Variants in TPST2 observed in about 807,000 individuals in gnomAD.
The protein encoded by TPST2 is protein-tyrosine sulfotransferase 2.
A neutral mutation model predicts 27.8 loss-of-function variants in TPST2; 16 were observed. That is an observed-to-expected ratio of 0.58 (90% CI 0.39 to 0.88). TPST2 has a LOEUF of 0.88. TPST2 is among the 40% of genes least tolerant of loss of function. The probability of loss-of-function intolerance (pLI) is 0.00; values close to 1 mark genes in which losing one functional copy is unlikely to be tolerated. For missense variants in TPST2, 464 were observed against 543.1 expected, an observed-to-expected ratio of 0.85 and a Z score of 1.45; for synonymous variants, 229 against 231.7, an observed-to-expected ratio of 0.99 and a Z score of 0.10.
intron 1 of TPST2, among the ~76,000 whole-genome samples, chr22:26,578,050 GTAT>G (rs1162045932): frequency 6.6e-6 from 1 of 152,096 alleles, no homozygotes; most frequent in Non-Finnish European, 1.5e-5. Context: ...ACATCAAAAT[GTAT>G]TATTATCTTT....
In TPST2 at chr22:26,532,668, T is replaced by G. The variant is rs1887750383; in HGVS notation, c.1092+27A>C. 8.1e-6 allele frequency: 13 copies of G among 1,612,258 alleles called. No homozygotes were observed. The Middle Eastern group carries it at 1.8e-3, about 225-fold the overall frequency. On this transcript the variant is annotated intron_variant, in intron 5 of 6. Transcript: ENST00000338754. ...GGTGGTATAGCTGAGAAAGACAGAA[T>G]TCGGAATTCCCCTTGGGGTTTCTAA...
At chr22:26,532,589 G>A in intron 5 of TPST2, 106 bp downstream of exon 5, 3 of 1,269,304 alleles carry the variant, frequency 2.4e-6, no homozygotes, top group South Asian at 2.8e-5. Context: ...TTTATAATGG[G>A]AAAACCATCA....
chr22:26,568,473 C>T (rs188952135), intron 1 of TPST2, among the ~76,000 whole-genome samples: 42 of 152,272 alleles, frequency 2.8e-4, no homozygotes, highest in African/African-American at 7.7e-4. Context: ...GTCGTAAAGA[C>T]CCCATTAATA....
chr22:26,528,548 G>A (rs1230577534), intron 5 of TPST2, among the ~76,000 whole-genome samples: 3 of 152,198 alleles, frequency 2.0e-5, no homozygotes, highest in Admixed American at 2.0e-4. Context: ...TGAGTGATCA[G>A]TATCTGTGCT....
intron 1 of TPST2, among the ~76,000 whole-genome samples, chr22:26,568,844 T>C (rs1927478382): frequency 6.6e-6 from 1 of 151,950 alleles, no homozygotes; most frequent in Non-Finnish European, 1.5e-5. Flanking sequence ...TGCTTTCACT[T>C]TATGAACTCA....
At chr22:26,556,486 GC>G (rs769334108) in intron 1 of TPST2, among the ~76,000 whole-genome samples, 18 of 152,300 alleles carry the variant, frequency 1.2e-4, no homozygotes, top group Non-Finnish European at 2.2e-4. Flanking sequence ...GTTGCAGTGA[GC>G]CGAGATCGCG....
At position 26,522,894 on chromosome 22, in the gene TPST2, T is replaced by C. The variant is rs5752339; in HGVS notation, c.*3381A>G. On this transcript the variant is annotated 3_prime_UTR_variant, in exon 7 of 7. Coordinates refer to ENST00000338754, the MANE Select transcript of TPST2 (RefSeq NM_003595.5). ...GAGTTTGAGACCAGCCTGGGCAACA[T>C]AGTGATTCCCCTCTTTACAAAAAAT... The C allele has an allele frequency of 0.19, 29,087 of 152,330 alleles. 2,927 individuals carry two copies. Among genetic ancestry groups the C allele is most frequent in the African/African-American group, 0.22 (9,073 of 41,488 alleles). 9.4% of individuals were successfully genotyped at this position (152,330 alleles called of 1,614,324 possible).
chr22:26,560,063 C>T (rs1038784181), intron 1 of TPST2, among the ~76,000 whole-genome samples: 3 of 152,124 alleles, frequency 2.0e-5, no homozygotes, highest in African/African-American at 7.2e-5. Context: ...TCCTTGAGCT[C>T]GGGAATGCAG....
At chr22:26,551,904 T>C (rs1211368383) in intron 1 of TPST2, among the ~76,000 whole-genome samples, 3 of 137,364 alleles carry the variant, frequency 2.2e-5, no homozygotes, top group Non-Finnish European at 4.7e-5. Flanking sequence ...TTTTTTTTTT[T>C]TTGAGACAGT....
In TPST2 at chr22:26,540,857, G is replaced by A. The variant is rs775980485; in HGVS notation, c.774C>T (p.Ile258=). 7 of 1,613,986 alleles carry A rather than the reference G, an allele frequency of 4.3e-6. No homozygotes were observed. The highest frequency in any genetic ancestry group is 2.2e-5 in the South Asian group (2 of 91,068). ...GGTGGAGGACAGCGTCGCTCCAGGC[G>A]ATGCCGAGGAAGTCGAGGATGAGCT... is the stretch of plus-strand genomic sequence containing the variant. ...SLKLILDFLG[I]AWSDAVLHHE... is the part of the protein sequence containing the mutation. Residue 258 remains isoleucine (I), a synonymous_variant, in exon 3 of 7, where the codon ATC becomes ATT. Coordinates refer to ENST00000338754, the MANE Select transcript of TPST2 (RefSeq NM_003595.5).
At chr22:26,575,733 C>T (rs1447596747) in intron 1 of TPST2, among the ~76,000 whole-genome samples, 5 of 152,178 alleles carry the variant, frequency 3.3e-5, no homozygotes, top group African/African-American at 7.2e-5. Context: ...CAGTGGCTCA[C>T]GCCTGTCATC....
At chr22:26,579,481 A>G (rs1301215331) in intron 1 of TPST2, among the ~76,000 whole-genome samples, 1 of 152,158 alleles carries the variant, frequency 6.6e-6, no homozygotes, top group African/African-American at 2.4e-5. Flanking sequence ...AGAGGAAACC[A>G]TGGCCTTGTA....
chr22:26,542,832 A>G (rs1196549099), intron 2 of TPST2, among the ~76,000 whole-genome samples: 2 of 152,200 alleles, frequency 1.3e-5, no homozygotes, highest in Non-Finnish European at 2.9e-5. Flanking sequence ...GCCAGTGGGA[A>G]GACAGCATGC....
chr22:26,566,695 T>G (rs1927394523), intron 1 of TPST2, among the ~76,000 whole-genome samples: 1 of 152,120 alleles, frequency 6.6e-6, no homozygotes, highest in African/African-American at 2.4e-5. Context: ...GAGTTTGCAG[T>G]GAGCCGAGAT....
Position 26,552,985 on chromosome 22 carries a change from G to A in TPST2, c.-160-8310C>T, listed in dbSNP as rs555612111. ...TGAGGCAGGAGAACTGCTTGAACCCGGGAGGCGGAGGTTGCAGTGAGCTGA... is the reference window on the plus strand; with the variant it reads ...TGAGGCAGGAGAACTGCTTGAACCCAGGAGGCGGAGGTTGCAGTGAGCTGA... On this transcript the variant is annotated intron_variant, in intron 1 of 6. Transcript: ENST00000338754. Among the ~76,000 whole-genome samples the A allele has an allele frequency of 3.1e-4, 46 of 149,872 alleles. No homozygotes were observed. The East Asian group carries it at 3.4e-3, about 11-fold the overall frequency.
At chr22:26,552,698 C>T (rs1253909724) in intron 1 of TPST2, among the ~76,000 whole-genome samples, 2 of 152,134 alleles carry the variant, frequency 1.3e-5, no homozygotes, top group East Asian at 1.9e-4. Flanking sequence ...AGACTAGTTA[C>T]GAAAACAGGC....
intron 1 of TPST2, among the ~76,000 whole-genome samples, chr22:26,574,446 C>A (rs149841875): frequency 3.3e-5 from 5 of 152,260 alleles, no homozygotes; most frequent in African/African-American, 1.2e-4. Context: ...GCTATCATCC[C>A]ACAACAACAG....
intron 1 of TPST2, among the ~76,000 whole-genome samples, chr22:26,547,191 C>T (rs1286746909): frequency 6.6e-6 from 1 of 152,054 alleles, no homozygotes; most frequent in East Asian, 1.9e-4. Flanking sequence ...CGAGCTCAAG[C>T]GATCCTCCCA....
At chr22:26,542,133 T>G (rs952452493) in intron 2 of TPST2, among the ~76,000 whole-genome samples, 4 of 149,646 alleles carry the variant, frequency 2.7e-5, no homozygotes, top group Admixed American at 2.7e-4. Context: ...TCCCAGCTAC[T>G]CGGGAGGCTG....
Sources: gnomAD v4.1 joint callset for allele counts (sites outside exome capture counted in the v4.1 genomes callset) on GRCh38, gnomAD v4.1.1 for gene constraint, MANE v1.5 for transcripts, NCBI Gene and HGNC (gene_info 2026-07-23, HGNC 2026-07-21) for gene names.